MEGF11: variants seen among roughly 807,000 people sequenced by gnomAD.
MEGF11 encodes multiple epidermal growth factor-like domains protein 11.
A neutral mutation model predicts 146.6 loss-of-function variants in MEGF11; 126 were observed. The observed-to-expected ratio is 0.86, with a 90% CI of 0.74 to 1.00. The LOEUF (loss-of-function observed/expected upper bound fraction) is 1.00. Among genes scored for constraint, MEGF11 ranks in the 50% least tolerant of loss-of-function variants. The pLI, the probability that MEGF11 is intolerant of heterozygous loss-of-function variation, is 0.00. For missense variants in MEGF11, 1,509 were observed against 1,521.2 expected, an observed-to-expected ratio of 0.99 and a Z score of 0.13; for synonymous variants, 532 against 583.4, an observed-to-expected ratio of 0.91 and a Z score of 1.27.
chr15:66,181,664 G>C (rs111496401), intron 1 of MEGF11, among the ~76,000 whole-genome samples: 1,965 of 152,294 alleles, frequency 0.013, 34 homozygotes, highest in African/African-American at 0.044. Context: ...AATCTCATCT[G>C]TGGAAAGTTA....
chr15:65,966,526 C>T (rs1216876832), intron 8 of MEGF11, among the ~76,000 whole-genome samples: 2 of 152,190 alleles, frequency 1.3e-5, no homozygotes, highest in Non-Finnish European at 2.9e-5. Context: ...GACATATCTC[C>T]TCCCTGACTG....
chr15:66,206,965 AG>A (rs1219513005), intron 1 of MEGF11, among the ~76,000 whole-genome samples: 1 of 152,190 alleles, frequency 6.6e-6, no homozygotes, highest in Non-Finnish European at 1.5e-5. Flanking sequence ...AGCAGCCAGA[AG>A]AAAGAATCAG....
intron 5 of MEGF11, among the ~76,000 whole-genome samples, chr15:66,066,875 A>C (rs1238760807): frequency 6.6e-6 from 1 of 152,128 alleles, no homozygotes; most frequent in East Asian, 1.9e-4. Flanking sequence ...AGCAATCAGG[A>C]GAGAGAGAGA....
intron 1 of MEGF11, among the ~76,000 whole-genome samples, chr15:66,189,723 C>T (rs1045034755): frequency 6.6e-6 from 1 of 152,160 alleles, no homozygotes; most frequent in African/African-American, 2.4e-5. Flanking sequence ...TGCTACTTCC[C>T]ACAGGGCTGT....
intron 1 of MEGF11, among the ~76,000 whole-genome samples, chr15:66,160,664 G>GACACACACACACAC (rs3221608): frequency 1.9e-4 from 26 of 137,610 alleles, no homozygotes; most frequent in African/African-American, 5.2e-4. Context: ...GCCCTAAGGG[G>GACACACACACACAC]ACACACACAC....
At chr15:66,164,267 T>C (rs1316388829) in intron 1 of MEGF11, among the ~76,000 whole-genome samples, 4 of 152,206 alleles carry the variant, frequency 2.6e-5, no homozygotes, top group African/African-American at 9.7e-5. Flanking sequence ...CAGGCTGCCC[T>C]GGACTCAGAA....
chr15:66,244,979 A>C (rs1257115946), intron 1 of MEGF11, among the ~76,000 whole-genome samples: 2 of 152,198 alleles, frequency 1.3e-5, no homozygotes, highest in East Asian at 3.8e-4. Flanking sequence ...TATCAATGAC[A>C]ACAGCAGCAT....
intron 5 of MEGF11, among the ~76,000 whole-genome samples, chr15:66,024,243 G>A (rs1388796933): frequency 6.6e-6 from 1 of 152,252 alleles, no homozygotes; most frequent in African/African-American, 2.4e-5. Flanking sequence ...GAACATGGCT[G>A]CCCAGAACAA....
chr15:66,082,466 AATCTATCTATCTATCT>A (rs200466707), intron 5 of MEGF11, among the ~76,000 whole-genome samples: 1,045 of 72,596 alleles, frequency 0.014, 31 homozygotes, highest in African/African-American at 0.061. Flanking sequence ...AAAAAAAAAA[AATCTATCTATCTATCT>A]ATCTATCTAT....
At chr15:66,022,698 C>T (rs35819570) in intron 5 of MEGF11, among the ~76,000 whole-genome samples, 210 of 151,754 alleles carry the variant, frequency 1.4e-3, no homozygotes, top group Non-Finnish European at 2.5e-3. Flanking sequence ...GGCGTGGTGG[C>T]GCATGCCTGT....
chr15:65,959,337 A>G (rs2080774847), intron 9 of MEGF11, among the ~76,000 whole-genome samples: 4 of 152,172 alleles, frequency 2.6e-5, no homozygotes, highest in Admixed American at 2.0e-4. Context: ...TGGTTTTCTC[A>G]CAGAAAATGA....
chr15:66,097,101 C>T (rs1347948114), intron 4 of MEGF11, among the ~76,000 whole-genome samples: 1 of 152,236 alleles, frequency 6.6e-6, no homozygotes, highest in African/African-American at 2.4e-5. Flanking sequence ...CCCTCCTTTC[C>T]TCATCGTCCT....
chr15:65,961,790 C>T (rs2080865934), intron 9 of MEGF11, among the ~76,000 whole-genome samples: 1 of 152,158 alleles, frequency 6.6e-6, no homozygotes, highest in South Asian at 2.1e-4. Flanking sequence ...TGCTCAAGAC[C>T]TTGCACACTG....
chr15:66,034,913 A>G (rs1267139281), intron 5 of MEGF11, among the ~76,000 whole-genome samples: 2 of 152,224 alleles, frequency 1.3e-5, no homozygotes, highest in East Asian at 3.8e-4. Flanking sequence ...TTGTTGTAAA[A>G]GTGAGCTCTC....
intron 5 of MEGF11, among the ~76,000 whole-genome samples, chr15:66,063,213 C>T (rs535312500): frequency 2.8e-4 from 43 of 152,324 alleles, no homozygotes; most frequent in East Asian, 3.9e-4. Context: ...CACTCCAGGA[C>T]AGGCTTGAAG....
At chr15:66,178,841 G>GA (rs373540198) in intron 1 of MEGF11, among the ~76,000 whole-genome samples, 3 of 151,970 alleles carry the variant, frequency 2.0e-5, no homozygotes, top group South Asian at 2.1e-4. Context: ...AAGTGATTCG[G>GA]AAAAAAGGTC....
intron 1 of MEGF11, among the ~76,000 whole-genome samples, chr15:66,232,036 C>T (rs1455911536): frequency 6.6e-6 from 1 of 152,220 alleles, no homozygotes; most frequent in East Asian, 1.9e-4. Context: ...CCCCACATTA[C>T]TGAGATGATG....
chr15:66,239,279 C>A (rs1486356658), intron 1 of MEGF11, among the ~76,000 whole-genome samples: 1 of 152,166 alleles, frequency 6.6e-6, no homozygotes, highest in African/African-American at 2.4e-5. Context: ...GTTAGGAATG[C>A]CAGGTCTTCT....
Position 65,915,549 on chromosome 15 carries a change from G to T in MEGF11, c.2394C>A (p.Cys798Ter). Residue 798 changes from cysteine (C) to a stop codon, truncating the protein, a stop_gained, in exon 19 of 26, where the codon TGC becomes TGA. Coordinates refer to ENST00000395614, the MANE Select transcript of MEGF11 (RefSeq NM_001385028.1). LOFTEE classifies it high-confidence loss of function. ...FGYGCQQLCE[C>*]MNNSTCDHVT... is the part of the protein sequence containing the mutation. ...CATGGTCACAGGTGGAGTTGTTCAT[G>T]CACTCACATAGCTGCTGACACCCAT... 6.2e-7 allele frequency: 1 copy of T among 1,613,942 alleles called. No individual in the cohort carries two copies. Among genetic ancestry groups the T allele is most frequent in the South Asian group, 1.1e-5 (1 of 91,072 alleles).
Sources: allele counts gnomAD v4.1 joint callset (sites outside exome capture counted in the v4.1 genomes callset), GRCh38; gene constraint gnomAD v4.1.1; transcripts MANE v1.5; gene names NCBI Gene and HGNC (gene_info 2026-07-23, HGNC 2026-07-21).